The following ATP8A1 variants were observed in gnomAD, a reference collection of about 807,000 sequenced individuals.
ATP8A1 encodes ATPase phospholipid transporting 8A1.
Under a neutral mutation model 177.7 loss-of-function variants are expected in ATP8A1, and 90 were observed. The ratio of observed to expected loss-of-function variants is 0.51; its 90% CI spans 0.43 to 0.60. The LOEUF (loss-of-function observed/expected upper bound fraction) is 0.60, where lower values mean the gene tolerates loss of function less well. ATP8A1 is among the 20% of genes least tolerant of loss of function. ATP8A1 has a pLI of 0.00. For synonymous variants in ATP8A1, 493 were observed against 485.9 expected (o/e 1.01, Z -0.19); for missense variants, 1,072 against 1,392.8 (o/e 0.77, Z 3.67).
chr4:42,524,257 G>A (rs1046879971), intron 21 of ATP8A1, among the ~76,000 whole-genome samples: 3 of 152,166 alleles, frequency 2.0e-5, no homozygotes, highest in South Asian at 2.1e-4. Context: ...AGAGCCTGGC[G>A]TGTGGTAGGG....
intron 5 of ATP8A1, among the ~76,000 whole-genome samples, chr4:42,610,220 A>G (rs1460649846): frequency 6.6e-6 from 1 of 151,124 alleles, no homozygotes; most frequent in African/African-American, 2.4e-5. Flanking sequence ...CGACAAGATT[A>G]TAATTTCCTG....
At chr4:42,655,634 T>C (rs937628309) in intron 1 of ATP8A1, among the ~76,000 whole-genome samples, 3 of 152,214 alleles carry the variant, frequency 2.0e-5, no homozygotes, top group Admixed American at 2.0e-4. Context: ...ATGTACCGAA[T>C]TCCTATGTAG....
rs1208677145 is a variant in ATP8A1, at chr4:42,656,812, G to C, written c.49+13C>G. Reference sequence around the variant, plus strand: ...CGACCCCGGGCTAGCCCCGAGCCTCGGCGGCCCCTTACCTTCGGCGCGCGA... The same window carrying C: ...CGACCCCGGGCTAGCCCCGAGCCTCCGCGGCCCCTTACCTTCGGCGCGCGA... On this transcript the variant is annotated intron_variant, in intron 1 of 36. Coordinates refer to ENST00000381668, the MANE Select transcript of ATP8A1 (RefSeq NM_006095.2). The C allele has an allele frequency of 9.6e-6, 15 of 1,561,818 alleles. No homozygotes were observed. In the Admixed American group the frequency reaches 2.2e-4, roughly 23 times the overall value.
intron 30 of ATP8A1, among the ~76,000 whole-genome samples, chr4:42,450,729 A>C (rs914943000): frequency 6.6e-6 from 1 of 152,232 alleles, no homozygotes; most frequent in Non-Finnish European, 1.5e-5. Context: ...GCTCTTGGTA[A>C]TTCATTCACA....
chr4:42,557,878 A>G (rs1035710113), intron 15 of ATP8A1, among the ~76,000 whole-genome samples: 4 of 152,054 alleles, frequency 2.6e-5, no homozygotes, highest in Non-Finnish European at 5.9e-5. Flanking sequence ...CCCCATCTCT[A>G]CTAAAAATAT....
At chr4:42,546,669 C>T (rs1018482477) in intron 19 of ATP8A1, among the ~76,000 whole-genome samples, 10 of 152,110 alleles carry the variant, frequency 6.6e-5, no homozygotes, top group African/African-American at 2.4e-4. Flanking sequence ...ATTTCACCTT[C>T]TCTAAACCAT....
chr4:42,517,103 CAT>C (rs573346149), intron 22 of ATP8A1, among the ~76,000 whole-genome samples: 1,529 of 152,074 alleles, frequency 0.01, 24 homozygotes, highest in African/African-American at 0.035. Context: ...AGATCGAGAC[CAT>C]CCTGGCCAAC....
In ATP8A1 at chr4:42,616,071, T is replaced by G; in HGVS notation, c.371A>C (p.His124Pro). The G allele has an allele frequency of 1.2e-6, 2 of 1,611,854 alleles. No individual in the cohort carries two copies. Among genetic ancestry groups the G allele is most frequent in the Non-Finnish European group, 1.7e-6 (2 of 1,179,274 alleles). Residue 124 changes from histidine to proline, a missense_variant, in exon 5 of 37, where the codon CAT becomes CCT. By Grantham distance (77) the His-to-Pro change is moderately conservative. Transcript: ENST00000381668. ...CTTGTTCACTGCATTATCAGCTTTA[T>G]GTCGTTTCTAAAGTTTAAAAGCAAA... ...IKEIIEDIKR[H>P]KADNAVNKKQ...
chr4:42,461,320 G>C (rs1719125879), intron 27 of ATP8A1, among the ~76,000 whole-genome samples: 1 of 144,554 alleles, frequency 6.9e-6, no homozygotes, highest in Non-Finnish European at 1.5e-5. Context: ...TGGTTTGGCT[G>C]TGTCCCCAGC....
chr4:42,445,506 C>T (rs1235049262), intron 31 of ATP8A1, among the ~76,000 whole-genome samples: 1 of 151,900 alleles, frequency 6.6e-6, no homozygotes, highest in Non-Finnish European at 1.5e-5. Flanking sequence ...TATTGTTAGT[C>T]GTCAAGGAAA....
Position 42,517,070 on chromosome 4 carries a change from G to T in ATP8A1, c.1947+5090C>A, listed in dbSNP as rs182300951. On this transcript the variant is annotated intron_variant, in intron 22 of 36. Transcript: ENST00000381668. ...AATCCCAGCACTTTGGGAGGCCAAG[G>T]GGGGGTGGATCACGAGGTCAGGAGA... Among the ~76,000 whole-genome samples the T allele has an allele frequency of 2.2e-3, 327 of 149,138 alleles. 2 individuals carry two copies. The highest frequency in any genetic ancestry group is 8.0e-3 in the African/African-American group (310 of 38,646).
At chr4:42,482,790 A>C (rs4073944) in intron 25 of ATP8A1, among the ~76,000 whole-genome samples, 5,017 of 152,202 alleles carry the variant, frequency 0.033, 253 homozygotes, top group African/African-American at 0.11. Context: ...CTTCCACTCC[A>C]CCTAGGGCTA....
Position 42,554,667 on chromosome 4 carries a change from G to A in ATP8A1, c.1413+1301C>T, listed in dbSNP as rs534256770. 3.3e-4 allele frequency among the ~76,000 whole-genome samples: 50 copies of A among 152,210 alleles called. 1 individual carries two copies. The South Asian group carries it at 8.1e-3, about 25-fold the overall frequency. On this transcript the variant is annotated intron_variant, in intron 16 of 36. Transcript: ENST00000381668. ...TGAAGTGGTTATGAGAAAAAGTTCC[G>A]GGGTTTAACTCCAGAAGACTCTATA...
At chr4:42,562,607 A>G (rs558691675) in intron 15 of ATP8A1, among the ~76,000 whole-genome samples, 10 of 152,324 alleles carry the variant, frequency 6.6e-5, no homozygotes, top group Admixed American at 6.5e-4. Context: ...GACCAAAGTA[A>G]TGAGGCCTGG....
intron 35 of ATP8A1, among the ~76,000 whole-genome samples, chr4:42,417,807 T>C (rs1421927168): frequency 6.6e-6 from 1 of 152,210 alleles, no homozygotes; most frequent in Non-Finnish European, 1.5e-5. Context: ...TAGCATGCAA[T>C]AGCTGTCCTA....
intron 33 of ATP8A1, among the ~76,000 whole-genome samples, chr4:42,441,460 A>C (rs765920428): frequency 6.6e-6 from 1 of 152,214 alleles, no homozygotes; most frequent in Non-Finnish European, 1.5e-5. Flanking sequence ...CTGAGTTGTA[A>C]TGTAACATAA....
At position 42,522,011 on chromosome 4, in the gene ATP8A1, T is replaced by C. The variant is rs373180375; in HGVS notation, c.1947+149A>G. ...TCAGCAATATTTTAATGCATATTAA[T>C]ACTTGTTAATGCTTAGATGATGAGA... On this transcript the variant is annotated intron_variant, in intron 22 of 36. Coordinates refer to ENST00000381668, the MANE Select transcript of ATP8A1 (RefSeq NM_006095.2). 4 of 844,132 alleles carry C rather than the reference T, an allele frequency of 4.7e-6. No individual in the cohort carries two copies. The South Asian group carries it at 6.1e-5, about 13-fold the overall frequency. 52.3% of individuals were successfully genotyped at this position (844,132 alleles called of 1,614,324 possible). A position where few individuals can be genotyped will look rare whatever the true frequency, so the allele number is the denominator to read the frequency against.
chr4:42,531,930 C>T (rs1330148973), intron 20 of ATP8A1, among the ~76,000 whole-genome samples: 1 of 151,944 alleles, frequency 6.6e-6, no homozygotes, highest in Non-Finnish European at 1.5e-5. Flanking sequence ...TGAAACCCCA[C>T]CTCTACAAAA....
At chr4:42,541,903 G>T (rs1425990683) in intron 20 of ATP8A1, among the ~76,000 whole-genome samples, 1 of 152,170 alleles carries the variant, frequency 6.6e-6, no homozygotes, top group Non-Finnish European at 1.5e-5. Flanking sequence ...GGGCACAGGG[G>T]ATTTGTAGGG....
Sources: allele counts gnomAD v4.1 joint callset (sites outside exome capture counted in the v4.1 genomes callset), GRCh38; gene constraint gnomAD v4.1.1; transcripts MANE v1.5; gene names NCBI Gene and HGNC (gene_info 2026-07-23, HGNC 2026-07-21).